ACOXL: variants seen among roughly 807,000 people sequenced by gnomAD.
The protein encoded by ACOXL is acyl-CoA oxidase like.
A neutral mutation model predicts 71.9 loss-of-function variants in ACOXL; 70 were observed. The observed-to-expected ratio is 0.97, with a 90% CI of 0.80 to 1.19. The LOEUF (loss-of-function observed/expected upper bound fraction) is 1.19, where lower values mean the gene tolerates loss of function less well. Ranked by LOEUF, ACOXL falls within the 50% of genes most tolerant of loss-of-function variation. ACOXL has a pLI of 0.00. For synonymous variants in ACOXL, 253 were observed against 281.6 expected (o/e 0.90, Z 1.02); for missense variants, 703 against 736.3 (o/e 0.95, Z 0.52).
At chr2:110,907,376 G>A (rs1393255307) in intron 10 of ACOXL, among the ~76,000 whole-genome samples, 1 of 152,162 alleles carries the variant, frequency 6.6e-6, no homozygotes, top group Non-Finnish European at 1.5e-5. Context: ...GAATTCTGGG[G>A]CGACACAGTT....
intron 16 of ACOXL, among the ~76,000 whole-genome samples, chr2:111,066,195 T>C (rs1320554704): frequency 2.0e-5 from 3 of 152,212 alleles, no homozygotes; most frequent in Admixed American, 2.0e-4. Flanking sequence ...ATATATATTC[T>C]TTTGCAATGA....
chr2:110,734,247 C>T (rs1335830485), intron 1 of ACOXL, among the ~76,000 whole-genome samples: 2 of 152,010 alleles, frequency 1.3e-5, no homozygotes, highest in Non-Finnish European at 2.9e-5. Flanking sequence ...ATAACCCACC[C>T]AAATAAAAGC....
chr2:111,077,753 A>G (rs752017826), intron 16 of ACOXL, among the ~76,000 whole-genome samples: 1 of 152,214 alleles, frequency 6.6e-6, no homozygotes, highest in Non-Finnish European at 1.5e-5. Flanking sequence ...TCTGGTCTCT[A>G]CAGTTTCTGA....
chr2:110,802,076 T>C (rs1686074450), intron 8 of ACOXL, among the ~76,000 whole-genome samples: 1 of 152,228 alleles, frequency 6.6e-6, no homozygotes, highest in African/African-American at 2.4e-5. Flanking sequence ...CCATTTATCA[T>C]TATATAGCAA....
At chr2:110,768,113 CAG>C (rs1479489796) in intron 1 of ACOXL, among the ~76,000 whole-genome samples, 1 of 152,128 alleles carries the variant, frequency 6.6e-6, no homozygotes, top group Non-Finnish European at 1.5e-5. Flanking sequence ...GCCTAGGCAA[CAG>C]AGTGAGACAC....
intron 10 of ACOXL, among the ~76,000 whole-genome samples, chr2:110,856,962 A>G (rs1400018107): frequency 2.6e-5 from 4 of 152,224 alleles, no homozygotes; most frequent in Non-Finnish European, 4.4e-5. Flanking sequence ...TTGGAGTCTT[A>G]TTCATTCTTC....
chr2:110,840,889 C>G (rs910336330), intron 9 of ACOXL, among the ~76,000 whole-genome samples: 3 of 152,188 alleles, frequency 2.0e-5, no homozygotes, highest in African/African-American at 7.2e-5. Flanking sequence ...GAGACTCTGG[C>G]CCAGGTGGCC....
chr2:110,833,616 A>T (rs1690109120), intron 9 of ACOXL, among the ~76,000 whole-genome samples: 1 of 152,082 alleles, frequency 6.6e-6, no homozygotes, highest in Non-Finnish European at 1.5e-5. Context: ...TCTCCATATA[A>T]TTTCTTAGAC....
At chr2:111,082,854 A>G (rs1470630407) in intron 16 of ACOXL, among the ~76,000 whole-genome samples, 1 of 152,248 alleles carries the variant, frequency 6.6e-6, no homozygotes, top group African/African-American at 2.4e-5. Context: ...CTATGCAGCC[A>G]TAAAAAAGGA....
chr2:110,806,544 CAG>C (rs1389937454), intron 9 of ACOXL, among the ~76,000 whole-genome samples: 1 of 152,126 alleles, frequency 6.6e-6, no homozygotes, highest in Non-Finnish European at 1.5e-5. Context: ...CTCAGGACTC[CAG>C]AGAGAGGCAA....
chr2:111,073,000 C>T (rs2067413496), intron 16 of ACOXL, among the ~76,000 whole-genome samples: 1 of 152,156 alleles, frequency 6.6e-6, no homozygotes, highest in Non-Finnish European at 1.5e-5. Context: ...TTGCATCTCC[C>T]CAGTAGCTGA....
chr2:110,956,147 T>C (rs2341914), intron 12 of ACOXL, among the ~76,000 whole-genome samples: 85,562 of 151,576 alleles, frequency 0.56, 24,332 homozygotes, highest in East Asian at 0.75. Context: ...AGGCTGGTCT[T>C]GAACTCCTGA....
At chr2:110,982,194 C>T (rs546821888) in intron 12 of ACOXL, among the ~76,000 whole-genome samples, 7 of 151,992 alleles carry the variant, frequency 4.6e-5, no homozygotes, top group South Asian at 2.1e-4. Flanking sequence ...TCTTGCTCTG[C>T]GCCCAGGCTG....
intron 1 of ACOXL, among the ~76,000 whole-genome samples, chr2:110,760,757 A>G (rs1194420699): frequency 1.3e-5 from 2 of 152,194 alleles, no homozygotes; most frequent in East Asian, 1.9e-4. Context: ...ACTCAGGGAT[A>G]TTCCCATGAG....
At chr2:111,111,475 C>CA (rs2069955172) in intron 17 of ACOXL, among the ~76,000 whole-genome samples, 1 of 152,174 alleles carries the variant, frequency 6.6e-6, no homozygotes, top group African/African-American at 2.4e-5. Context: ...TTTCTTGTTT[C>CA]ATGTAAATGC....
In ACOXL at chr2:110,968,141, T is replaced by G. The variant is rs560384232; in HGVS notation, c.1060-18967T>G. ...TATGCTGCAGAGTATTGTACTGGCC[T>G]GCTGCTGGCCCGCAGGCTTCTCAAT... On this transcript the variant is annotated intron_variant, in intron 12 of 17. Transcript: ENST00000439055. The G allele has an allele frequency of 4.3e-5, 58 of 1,335,614 alleles. No homozygotes were observed. In the African/African-American group the frequency reaches 7.6e-4, roughly 17 times the overall value. 82.7% of individuals were successfully genotyped at this position (1,335,614 alleles called of 1,614,324 possible).
At chr2:110,905,268 G>A (rs1257836262) in intron 10 of ACOXL, among the ~76,000 whole-genome samples, 2 of 152,118 alleles carry the variant, frequency 1.3e-5, no homozygotes, top group Admixed American at 1.3e-4. Flanking sequence ...ATGTGGCTGA[G>A]CCACCAAAAA....
intron 15 of ACOXL, among the ~76,000 whole-genome samples, chr2:111,042,154 T>G (rs2065816384): frequency 6.6e-6 from 1 of 152,228 alleles, no homozygotes; most frequent in South Asian, 2.1e-4. Context: ...CAGCCCCCAT[T>G]ACGTTCCCAT....
intron 2 of ACOXL, among the ~76,000 whole-genome samples, chr2:110,778,086 G>T (rs771326999): frequency 6.6e-6 from 1 of 152,214 alleles, no homozygotes; most frequent in South Asian, 2.1e-4. Flanking sequence ...CCCAGTTGGC[G>T]CTGTGACTTC....
Sources: allele counts gnomAD v4.1 joint callset (sites outside exome capture counted in the v4.1 genomes callset), GRCh38; gene constraint gnomAD v4.1.1; transcripts MANE v1.5; gene names NCBI Gene and HGNC (gene_info 2026-07-23, HGNC 2026-07-21).